Variants in MTCL1 observed in about 807,000 individuals in gnomAD.
MTCL1 encodes microtubule cross-linking factor 1.
MTCL1 carries 79 observed loss-of-function variants against 141.4 expected under a neutral mutation model. The ratio of observed to expected loss-of-function variants is 0.56; its 90% confidence interval spans 0.47 to 0.67. The LOEUF is 0.67. MTCL1 is among the 30% of genes least tolerant of loss of function. The probability of loss-of-function intolerance (pLI) is 0.00; values close to 1 mark genes in which losing one functional copy is unlikely to be tolerated. For missense variants in MTCL1, 2,177 were observed against 2,113.9 expected (o/e 1.03, Z -0.59); for synonymous variants, 914 against 875.8 (o/e 1.04, Z -0.77).
chr18:8,767,250 T>C (rs2096463841), intron 4 of MTCL1, among the ~76,000 whole-genome samples: 1 of 152,252 alleles, frequency 6.6e-6, no homozygotes, highest in Non-Finnish European at 1.5e-5. Flanking sequence ...GCTGAAGATT[T>C]GCCCAAGGGG....
chr18:8,825,703 A>G, exon 15 of MTCL1: 7 of 1,614,050 alleles, frequency 4.3e-6, no homozygotes, highest in Non-Finnish European at 5.1e-6. Flanking sequence ...CTGCAGAGGA[A>G]GCCCCTCCCC....
intron 4 of MTCL1, among the ~76,000 whole-genome samples, chr18:8,750,631 A>T (rs1165320977): frequency 6.6e-6 from 1 of 152,186 alleles, no homozygotes; most frequent in African/African-American, 2.4e-5. Context: ...GGGGTTACCA[A>T]CCTGGACCCC....
At chr18:8,713,908 G>A (rs1412933543), upstream of MTCL1, among the ~76,000 whole-genome samples, 5 of 152,170 alleles carry the variant, frequency 3.3e-5, no homozygotes, top group East Asian at 1.9e-4. Context: ...GCACCACTGC[G>A]CTCCAGGTTG....
chr18:8,798,750 A>G (rs1251730696), intron 10 of MTCL1, among the ~76,000 whole-genome samples: 1 of 152,220 alleles, frequency 6.6e-6, no homozygotes, highest in Non-Finnish European at 1.5e-5. Context: ...TGACACTTTG[A>G]AAAAAATTAA....
At chr18:8,723,155 C>G (rs1206472692) in intron 4 of MTCL1, among the ~76,000 whole-genome samples, 2 of 152,140 alleles carry the variant, frequency 1.3e-5, no homozygotes, top group African/African-American at 2.4e-5. Flanking sequence ...CACCAAACTT[C>G]TAAATGAATC....
At position 8,829,854 on chromosome 18, in the gene MTCL1, G is replaced by T. The variant is rs887214597; in HGVS notation, c.*18+890G>T. On this transcript the variant is annotated intron_variant, in intron 16 of 16. Coordinates refer to ENST00000359865, the Ensembl canonical transcript of MTCL1. ...ATCGTTTGCTTGTACATGCCGGTGT[G>T]TTACTAAGGAAAAGGTTGATTCCCT... 1.2e-5 allele frequency: 12 copies of T among 985,064 alleles called. No homozygotes were observed. The African/African-American group carries it at 1.9e-4, about 16-fold the overall frequency. The allele number at this position is 985,064 out of a possible 1,614,324, so 61.0% of individuals were successfully genotyped here.
intron 4 of MTCL1, among the ~76,000 whole-genome samples, chr18:8,746,465 G>A (rs1280119165): frequency 6.6e-6 from 1 of 152,236 alleles, no homozygotes; most frequent in African/African-American, 2.4e-5. Flanking sequence ...TTAAACAGGG[G>A]CTGTCACTCT....
At chr18:8,786,283 G>C in intron 7 of MTCL1, 192 bp downstream of exon 6, 3 of 731,086 alleles carry the variant, frequency 4.1e-6, no homozygotes, top group Non-Finnish European at 7.3e-6. Context: ...AGGTGCCTGC[G>C]GTGAACTGCT....
chr18:8,743,614 C>T (rs576313822), intron 4 of MTCL1, among the ~76,000 whole-genome samples: 1 of 152,268 alleles, frequency 6.6e-6, no homozygotes, highest in African/African-American at 2.4e-5. Flanking sequence ...AGGCCATCTA[C>T]ATTTCTTGGC....
rs796484848 is a variant in MTCL1 at position 8,725,790 on chromosome 18, C to CTTTTTTTTTTTTTTT, written c.357+5297_357+5311dup. ...GGTGCCATTTTCTTTTTTTTTTTTT[C>CTTTTTTTTTTTTTTT]TTTTTTTTTTTTTTTTTGAGATGGA... On this transcript the variant is annotated intron_variant, in intron 4 of 16. Coordinates refer to ENST00000359865, the Ensembl canonical transcript of MTCL1. Among the ~76,000 whole-genome samples, 189 of 61,030 alleles carry CTTTTTTTTTTTTTTT rather than the reference C, an allele frequency of 3.1e-3. 2 individuals are homozygous for CTTTTTTTTTTTTTTT. Among genetic ancestry groups the CTTTTTTTTTTTTTTT allele is most frequent in the Middle Eastern group, 0.026 (2 of 76 alleles). The allele number at this position is 61,030 out of a possible 152,430, so 40.0% of individuals were successfully genotyped here.
chr18:8,790,140 C>G (rs28418811), intron 7 of MTCL1, among the ~76,000 whole-genome samples: 1,842 of 152,290 alleles, frequency 0.012, 41 homozygotes, highest in African/African-American at 0.042. Flanking sequence ...TCAAGGACCT[C>G]CCTTTCTGTG....
At chr18:8,737,937 C>T (rs2096282334) in intron 4 of MTCL1, among the ~76,000 whole-genome samples, 1 of 152,224 alleles carries the variant, frequency 6.6e-6, no homozygotes, top group Non-Finnish European at 1.5e-5. Flanking sequence ...AGGCAGCCAT[C>T]ATGTCAGTCT....
intron 4 of MTCL1, among the ~76,000 whole-genome samples, chr18:8,756,437 A>G (rs376728245): frequency 2.2e-4 from 30 of 133,978 alleles, no homozygotes; most frequent in Admixed American, 1.4e-3. Context: ...GTATATATGT[A>G]TATATGTGTA....
At chr18:8,787,895 G>A (rs1005440844) in intron 7 of MTCL1, among the ~76,000 whole-genome samples, 4 of 152,158 alleles carry the variant, frequency 2.6e-5, no homozygotes, top group Admixed American at 6.5e-5. Context: ...TGGATCTGTC[G>A]CAGAGCCTGG....
rs2096266829 is a variant in MTCL1, at chr18:8,734,573, C to A, written c.357+14077C>A. Among the ~76,000 whole-genome samples, 2 of 152,034 alleles carry A rather than the reference C, an allele frequency of 1.3e-5. 1 individual carries two copies. On this transcript the variant is annotated intron_variant, in intron 4 of 16. Coordinates refer to ENST00000359865, the Ensembl canonical transcript of MTCL1. ...TTTGCTCTCAACCTTTTGCAAAACA[C>A]CCTTTTAAGTGACTCTAGATGTTTG...
intron 10 of MTCL1, among the ~76,000 whole-genome samples, chr18:8,799,777 C>G (rs137888328): frequency 5.0e-4 from 76 of 152,348 alleles, no homozygotes; most frequent in Middle Eastern, 3.4e-3. Context: ...CCTCGCACAT[C>G]TGGTTTTCTA....
At chr18:8,756,491 A>ATATGTG (rs1567984040) in intron 4 of MTCL1, among the ~76,000 whole-genome samples, 2,447 of 141,460 alleles carry the variant, frequency 0.017, 82 homozygotes, top group African/African-American at 0.07. Flanking sequence ...GTGTGTATAT[A>ATATGTG]TGTATATATG....
chr18:8,760,648 T>C (rs950450300), intron 4 of MTCL1, among the ~76,000 whole-genome samples: 2 of 152,214 alleles, frequency 1.3e-5, no homozygotes, highest in Non-Finnish European at 2.9e-5. Context: ...TTTCCAACTT[T>C]CTTTACTCCT....
At chr18:8,764,139 A>C (rs1159737239) in intron 4 of MTCL1, among the ~76,000 whole-genome samples, 1 of 152,166 alleles carries the variant, frequency 6.6e-6, no homozygotes. Context: ...AAAATGATTA[A>C]TAGTGGGTCT....
Sources: allele counts gnomAD v4.1 joint callset (sites outside exome capture counted in the v4.1 genomes callset), GRCh38; gene constraint gnomAD v4.1.1; transcripts MANE v1.5; gene names NCBI Gene and HGNC (gene_info 2026-07-23, HGNC 2026-07-21).